The following IKZF2 variants were observed in gnomAD, a reference collection of about 807,000 sequenced individuals.
IKZF2 encodes the protein IKAROS family zinc finger 2, also known as zinc finger protein Helios.
A neutral mutation model predicts 49.2 loss-of-function variants in IKZF2; 15 were observed. That is an observed-to-expected ratio of 0.30 (90% CI 0.20 to 0.47). The LOEUF (loss-of-function observed/expected upper bound fraction) is 0.47, where lower values mean the gene tolerates loss of function less well. IKZF2 is among the 20% of genes least tolerant of loss of function. The pLI, the probability that IKZF2 is intolerant of heterozygous loss-of-function variation, is 1.00. For synonymous variants in IKZF2, 227 were observed against 221.4 expected, an observed-to-expected ratio of 1.03 and a Z score of -0.23; for missense variants, 567 against 664.6, an observed-to-expected ratio of 0.85 and a Z score of 1.61.
At chr2:213,010,493 C>A (rs1366453835) in intron 8 of IKZF2, among the ~76,000 whole-genome samples, 1 of 152,072 alleles carries the variant, frequency 6.6e-6, no homozygotes, top group African/African-American at 2.4e-5. Context: ...CCCCAGAATT[C>A]CTTGCCCAAA....
intron 6 of IKZF2, among the ~76,000 whole-genome samples, chr2:213,043,564 C>G (rs903897881): frequency 1.6e-4 from 25 of 152,162 alleles, no homozygotes; most frequent in African/African-American, 5.3e-4. Context: ...AGTTCCCAAC[C>G]TTTTCACCAC....
At chr2:213,009,869 T>C (rs1695760697) in intron 8 of IKZF2, among the ~76,000 whole-genome samples, 1 of 152,044 alleles carries the variant, frequency 6.6e-6, no homozygotes, top group Non-Finnish European at 1.5e-5. Flanking sequence ...GAGTAGCTGG[T>C]AGAAAGGATC....
chr2:213,093,497 A>G (rs561067756), intron 4 of IKZF2, among the ~76,000 whole-genome samples: 2 of 152,300 alleles, frequency 1.3e-5, no homozygotes, highest in African/African-American at 4.8e-5. Flanking sequence ...AATCGTCAAT[A>G]TAAACTAAGG....
At chr2:213,042,540 A>G (rs892625472) in intron 6 of IKZF2, among the ~76,000 whole-genome samples, 1 of 152,208 alleles carries the variant, frequency 6.6e-6, no homozygotes, top group Admixed American at 6.5e-5. Context: ...ATTATTTCCA[A>G]CGAAATAATT....
chr2:213,138,889 A>C (rs988099748), intron 4 of IKZF2, among the ~76,000 whole-genome samples: 1 of 151,972 alleles, frequency 6.6e-6, no homozygotes, highest in African/African-American at 2.4e-5. Flanking sequence ...CTATATCACC[A>C]GCTAACTTAA....
At chr2:213,146,374 CT>C (rs1288679612) in intron 4 of IKZF2, among the ~76,000 whole-genome samples, 1 of 151,970 alleles carries the variant, frequency 6.6e-6, no homozygotes, top group African/African-American at 2.4e-5. Flanking sequence ...CACCTGCTAA[CT>C]TTACTAGTTT....
At chr2:213,106,454 C>T (rs74880535) in intron 4 of IKZF2, among the ~76,000 whole-genome samples, 3,305 of 151,746 alleles carry the variant, frequency 0.022, 107 homozygotes, top group African/African-American at 0.074. Context: ...GCCTGTGAGA[C>T]ATAGTGAGAC....
intron 4 of IKZF2, among the ~76,000 whole-genome samples, chr2:213,111,252 T>C (rs1449799180): frequency 6.6e-6 from 1 of 152,076 alleles, no homozygotes; most frequent in Non-Finnish European, 1.5e-5. Context: ...CTTTCATGTA[T>C]ATATCTTTGT....
chr2:213,134,418 G>A (rs1417485504), intron 4 of IKZF2, among the ~76,000 whole-genome samples: 5 of 152,140 alleles, frequency 3.3e-5, no homozygotes, highest in African/African-American at 9.7e-5. Context: ...TTAGGAATAC[G>A]ACCAGTTAGG....
chr2:213,111,814 AT>A (rs2059712884), intron 4 of IKZF2, among the ~76,000 whole-genome samples: 1 of 152,154 alleles, frequency 6.6e-6, no homozygotes, highest in South Asian at 2.1e-4. Flanking sequence ...TATAGAGAAA[AT>A]CATATGATTG....
At chr2:213,119,496 G>A (rs1257122807) in intron 4 of IKZF2, among the ~76,000 whole-genome samples, 7 of 152,090 alleles carry the variant, frequency 4.6e-5, no homozygotes, top group South Asian at 2.1e-4. Flanking sequence ...ATGAAAGTGT[G>A]GGAGACAAGA....
intron 4 of IKZF2, among the ~76,000 whole-genome samples, chr2:213,088,289 C>T (rs1704893938): frequency 6.6e-6 from 1 of 152,192 alleles, no homozygotes; most frequent in Non-Finnish European, 1.5e-5. Context: ...TGTCTGTCAG[C>T]TACATAAATG....
chr2:213,111,714 A>G (rs1414976709), intron 4 of IKZF2, among the ~76,000 whole-genome samples: 1 of 152,118 alleles, frequency 6.6e-6, no homozygotes, highest in African/African-American at 2.4e-5. Context: ...ACATACATAC[A>G]TTTGATCACT....
At chr2:213,018,893 T>C (rs948616535) in intron 7 of IKZF2, among the ~76,000 whole-genome samples, 3 of 152,178 alleles carry the variant, frequency 2.0e-5, no homozygotes, top group African/African-American at 4.8e-5. Context: ...GAAGCCTCTC[T>C]TGACTTTTCC....
chr2:213,126,784 C>CA (rs1467003919), intron 4 of IKZF2, among the ~76,000 whole-genome samples: 1 of 151,964 alleles, frequency 6.6e-6, no homozygotes, highest in Non-Finnish European at 1.5e-5. Flanking sequence ...AATACAATTT[C>CA]AAAAAACAAA....
At chr2:213,040,905 G>A (rs952999110) in intron 6 of IKZF2, among the ~76,000 whole-genome samples, 3 of 152,222 alleles carry the variant, frequency 2.0e-5, no homozygotes, top group South Asian at 2.1e-4. Flanking sequence ...ATCACCTGAG[G>A]TCAGGAGTTC....
chr2:213,079,608 T>A (rs1229028678), intron 4 of IKZF2, among the ~76,000 whole-genome samples: 1 of 151,574 alleles, frequency 6.6e-6, no homozygotes, highest in Non-Finnish European at 1.5e-5. Context: ...CTATAAACCA[T>A]CTCCATAAAT....
chr2:213,056,824 G>A lies in IKZF2; in HGVS notation c.406+9C>T. The A allele has an allele frequency of 6.2e-7, 1 of 1,613,508 alleles. No individual in the cohort carries two copies. Among genetic ancestry groups the A allele is most frequent in the South Asian group, 1.1e-5 (1 of 91,076 alleles). On this transcript the variant is annotated intron_variant, in intron 5 of 8. Coordinates refer to ENST00000434687, the MANE Select transcript of IKZF2 (RefSeq NM_001387220.1). ...AGGCAGTCATCAGGTTATTCTTTCAGCTGCTTACCAGTGTGACTCCTTTTA... is the reference window on the plus strand; with the variant it reads ...AGGCAGTCATCAGGTTATTCTTTCAACTGCTTACCAGTGTGACTCCTTTTA...
chr2:213,141,147 T>C (rs1375102372), intron 4 of IKZF2, among the ~76,000 whole-genome samples: 1 of 152,024 alleles, frequency 6.6e-6, no homozygotes, highest in African/African-American at 2.4e-5. Flanking sequence ...ATTGTCTCCT[T>C]AATTCTACTA....
Sources: gnomAD v4.1 joint callset for allele counts (sites outside exome capture counted in the v4.1 genomes callset) on GRCh38, gnomAD v4.1.1 for gene constraint, MANE v1.5 for transcripts, NCBI Gene and HGNC (gene_info 2026-07-23, HGNC 2026-07-21) for gene names.